TRHDE: variants seen among roughly 807,000 people sequenced by gnomAD.
TRHDE encodes the protein thyrotropin-releasing hormone-degrading ectoenzyme.
Under a neutral mutation model 125.7 loss-of-function variants are expected in TRHDE, and 72 were observed. The ratio of observed to expected loss-of-function variants is 0.57; its 90% CI spans 0.47 to 0.70. The LOEUF is 0.70. TRHDE is among the 30% of genes least tolerant of loss of function. The pLI is 0.00. For missense variants in TRHDE, 1,110 were observed against 1,327.1 expected (o/e 0.84, Z 2.54); for synonymous variants, 509 against 509.1 (o/e 1.00, Z 0.00).
intron 2 of TRHDE, among the ~76,000 whole-genome samples, chr12:72,193,744 G>A (rs1003010457): frequency 4.6e-5 from 7 of 152,078 alleles, no homozygotes; most frequent in African/African-American, 1.7e-4. Flanking sequence ...TAAATACACA[G>A]TATGGTGGAG....
chr12:72,233,427 A>T (rs551314428), intron 2 of TRHDE, among the ~76,000 whole-genome samples: 2 of 152,326 alleles, frequency 1.3e-5, no homozygotes, highest in African/African-American at 4.8e-5. Flanking sequence ...TTCAGAGAAG[A>T]AGTGACTCGA....
intron 7 of TRHDE, among the ~76,000 whole-genome samples, chr12:72,547,107 G>A (rs1869453956): frequency 6.6e-6 from 1 of 151,196 alleles, no homozygotes; most frequent in East Asian, 1.9e-4. Flanking sequence ...ATCCATAAAT[G>A]TCTTTGTCCT....
intron 2 of TRHDE, among the ~76,000 whole-genome samples, chr12:72,147,165 A>G (rs530094409): frequency 4.6e-4 from 70 of 152,080 alleles, no homozygotes; most frequent in Non-Finnish European, 8.4e-4. Flanking sequence ...TGGGCACGAA[A>G]ACAGAAATGC....
At chr12:72,126,385 G>A (rs537299283) in intron 2 of TRHDE, among the ~76,000 whole-genome samples, 4 of 152,100 alleles carry the variant, frequency 2.6e-5, no homozygotes, top group Admixed American at 1.3e-4. Flanking sequence ...AACCAAAAAT[G>A]AGCCCAATTA....
intron 5 of TRHDE, among the ~76,000 whole-genome samples, chr12:72,492,586 A>G (rs962120927): frequency 6.6e-6 from 1 of 151,858 alleles, no homozygotes; most frequent in African/African-American, 2.4e-5. Flanking sequence ...ACTCTTGATC[A>G]TATTTCTCTG....
chr12:72,439,988 T>C (rs77579935), intron 3 of TRHDE, among the ~76,000 whole-genome samples: 6,128 of 152,034 alleles, frequency 0.04, 452 homozygotes, highest in African/African-American at 0.14. Flanking sequence ...GATTTTCTCA[T>C]ATGCTCTTTC....
At chr12:72,573,660 T>C (rs900647427) in intron 10 of TRHDE, among the ~76,000 whole-genome samples, 9 of 151,994 alleles carry the variant, frequency 5.9e-5, no homozygotes, top group African/African-American at 2.2e-4. Flanking sequence ...AGTACTCTTG[T>C]ACTATAAAAG....
intron 2 of TRHDE, among the ~76,000 whole-genome samples, chr12:72,190,189 G>C (rs1283313309): frequency 6.6e-6 from 1 of 152,116 alleles, no homozygotes; most frequent in African/African-American, 2.4e-5. Context: ...CTAATAAATT[G>C]TAAAAGCAGG....
At chr12:72,352,425 A>G (rs1870622885) in intron 2 of TRHDE, among the ~76,000 whole-genome samples, 2 of 151,686 alleles carry the variant, frequency 1.3e-5, no homozygotes, top group Admixed American at 1.3e-4. Flanking sequence ...TTAGAAACCC[A>G]TCTGAGTGGT....
intron 7 of TRHDE, among the ~76,000 whole-genome samples, chr12:72,546,989 G>A (rs1239570132): frequency 3.3e-5 from 5 of 151,632 alleles, no homozygotes; most frequent in Non-Finnish European, 5.9e-5. Context: ...AACCTAACTA[G>A]CAAAGGATTC....
intron 15 of TRHDE, among the ~76,000 whole-genome samples, chr12:72,644,911 C>T (rs139940392): frequency 1.2e-3 from 188 of 152,278 alleles, no homozygotes; most frequent in African/African-American, 4.1e-3. Context: ...CTCCCCAGCT[C>T]AGCACAGAGC....
intron 2 of TRHDE, among the ~76,000 whole-genome samples, chr12:72,358,421 T>C (rs1488723230): frequency 2.6e-5 from 4 of 151,652 alleles, no homozygotes; most frequent in Non-Finnish European, 5.9e-5. Context: ...AACATTTTCT[T>C]TTGTCTACCT....
intron 6 of TRHDE, among the ~76,000 whole-genome samples, chr12:72,528,106 C>A (rs1229849357): frequency 2.0e-5 from 3 of 152,100 alleles, no homozygotes; most frequent in African/African-American, 7.2e-5. Context: ...ATTATGCCAT[C>A]TTTTATATTA....
chr12:72,265,217 A>G (rs1374981999), intron 2 of TRHDE, among the ~76,000 whole-genome samples: 1 of 151,970 alleles, frequency 6.6e-6, no homozygotes, highest in Non-Finnish European at 1.5e-5. Flanking sequence ...CATACAAATA[A>G]ATTTTTTAAT....
intron 5 of TRHDE, among the ~76,000 whole-genome samples, chr12:72,485,909 T>C (rs940818339): frequency 1.3e-5 from 2 of 152,134 alleles, no homozygotes; most frequent in Non-Finnish European, 2.9e-5. Flanking sequence ...CCAAGCCGTA[T>C]TGGCATCTTG....
intron 6 of TRHDE, among the ~76,000 whole-genome samples, chr12:72,507,926 G>T (rs899385253): frequency 6.6e-6 from 1 of 152,222 alleles, no homozygotes; most frequent in Non-Finnish European, 1.5e-5. Flanking sequence ...TCCAGCAGTG[G>T]CTAAAAGGGG....
At chr12:72,544,495 T>C (rs762940902) in intron 7 of TRHDE, among the ~76,000 whole-genome samples, 3 of 151,564 alleles carry the variant, frequency 2.0e-5, no homozygotes, top group Non-Finnish European at 4.4e-5. Context: ...CAATTCCAAA[T>C]TGCAGATAGT....
At chr12:72,359,625 T>G (rs776192753) in intron 2 of TRHDE, among the ~76,000 whole-genome samples, 2 of 151,684 alleles carry the variant, frequency 1.3e-5, no homozygotes, top group Non-Finnish European at 3.0e-5. Context: ...GAGGAAATCG[T>G]AAAACTTAGA....
At chr12:72,320,871 T>G (rs986332105) in intron 2 of TRHDE, among the ~76,000 whole-genome samples, 5 of 151,842 alleles carry the variant, frequency 3.3e-5, no homozygotes, top group Non-Finnish European at 7.4e-5. Flanking sequence ...CATGGTAGAG[T>G]GAGGGTGAAA....
Sources: gnomAD v4.1 joint callset for allele counts (sites outside exome capture counted in the v4.1 genomes callset) on GRCh38, gnomAD v4.1.1 for gene constraint, MANE v1.5 for transcripts, NCBI Gene and HGNC (gene_info 2026-07-23, HGNC 2026-07-21) for gene names.